PRKCA: variants seen among roughly 807,000 people sequenced by gnomAD.
PRKCA encodes protein kinase C alpha.
PRKCA carries 27 observed loss-of-function variants against 87.0 expected under a neutral mutation model. That is an observed-to-expected ratio of 0.31 (90% CI 0.23 to 0.43). PRKCA has a LOEUF of 0.43. Ranked by LOEUF, PRKCA falls within the 20% of genes least tolerant of loss-of-function variation. The pLI is 1.00. For synonymous variants in PRKCA, 329 were observed against 311.1 expected, an observed-to-expected ratio of 1.06 and a Z score of -0.61; for missense variants, 518 against 852.3, an observed-to-expected ratio of 0.61 and a Z score of 4.88.
intron 2 of PRKCA, among the ~76,000 whole-genome samples, chr17:66,491,485 C>T (rs1916244432): frequency 6.6e-6 from 1 of 152,208 alleles, no homozygotes; most frequent in Admixed American, 6.5e-5. Context: ...TTTAAGTTGC[C>T]TTCCTTCTAC....
chr17:66,468,130 AT>A (rs1915167007), intron 2 of PRKCA, among the ~76,000 whole-genome samples: 1 of 152,236 alleles, frequency 6.6e-6, no homozygotes, highest in Non-Finnish European at 1.5e-5. Flanking sequence ...ATAAAGCTAC[AT>A]TTGTCAAAAA....
chr17:66,783,007 A>C (rs4791041), intron 14 of PRKCA, among the ~76,000 whole-genome samples: 83,083 of 152,120 alleles, frequency 0.55, 25,922 homozygotes, highest in African/African-American at 0.86. Flanking sequence ...CGCTGCTCCT[A>C]CCCTCATGCC....
intron 3 of PRKCA, among the ~76,000 whole-genome samples, chr17:66,630,068 T>G (rs962748214): frequency 2.0e-5 from 3 of 152,176 alleles, no homozygotes; most frequent in African/African-American, 7.2e-5. Flanking sequence ...AAATAACATT[T>G]TTTTAAAACG....
At chr17:66,525,753 G>T (rs1461313942) in intron 3 of PRKCA, among the ~76,000 whole-genome samples, 2 of 152,286 alleles carry the variant, frequency 1.3e-5, no homozygotes, top group Non-Finnish European at 2.9e-5. Context: ...TATCAGAAGT[G>T]TGGGACCAAA....
intron 8 of PRKCA, among the ~76,000 whole-genome samples, chr17:66,710,830 G>A (rs901629379): frequency 2.0e-5 from 3 of 151,438 alleles, no homozygotes; most frequent in African/African-American, 7.3e-5. Flanking sequence ...AGGAGTTCAA[G>A]ACCAGCCTGC....
At chr17:66,436,805 A>G (rs1913419288) in intron 2 of PRKCA, among the ~76,000 whole-genome samples, 1 of 152,226 alleles carries the variant, frequency 6.6e-6, no homozygotes, top group African/African-American at 2.4e-5. Flanking sequence ...TTAGGAGGCA[A>G]ATCGAGAGAC....
chr17:66,338,964 C>T (rs952294787), intron 2 of PRKCA, among the ~76,000 whole-genome samples: 1 of 152,152 alleles, frequency 6.6e-6, no homozygotes, highest in African/African-American at 2.4e-5. Context: ...CCCACACAGG[C>T]CCTAATCTGT....
intron 2 of PRKCA, among the ~76,000 whole-genome samples, chr17:66,398,913 G>A (rs751513139): frequency 6.6e-6 from 1 of 151,922 alleles, no homozygotes; most frequent in Admixed American, 6.6e-5. Flanking sequence ...CGAACTTCTC[G>A]TTTGAGATAC....
intron 2 of PRKCA, among the ~76,000 whole-genome samples, chr17:66,478,480 C>G (rs886267441): frequency 1.3e-5 from 2 of 152,076 alleles, no homozygotes; most frequent in Non-Finnish European, 2.9e-5. Flanking sequence ...TCTTGAACTC[C>G]TGACCTCAGG....
At chr17:66,660,350 C>T (rs1405175445) in intron 5 of PRKCA, among the ~76,000 whole-genome samples, 1 of 152,152 alleles carries the variant, frequency 6.6e-6, no homozygotes, top group Non-Finnish European at 1.5e-5. Context: ...TCCTAACTTC[C>T]TTGCTGTTGT....
At chr17:66,733,725 G>T (rs1973959684) in intron 9 of PRKCA, among the ~76,000 whole-genome samples, 1 of 152,200 alleles carries the variant, frequency 6.6e-6, no homozygotes, top group Admixed American at 6.5e-5. Context: ...CTGGGAGGTG[G>T]AGGTTGCAGT....
chr17:66,738,488 C>G (rs1346122936), intron 10 of PRKCA, among the ~76,000 whole-genome samples: 1 of 152,102 alleles, frequency 6.6e-6, no homozygotes, highest in African/African-American at 2.4e-5. Flanking sequence ...TGTTCAAGGC[C>G]GTTACTATAA....
intron 2 of PRKCA, among the ~76,000 whole-genome samples, chr17:66,481,505 T>C (rs1003920923): frequency 6.6e-6 from 1 of 152,144 alleles, no homozygotes; most frequent in Non-Finnish European, 1.5e-5. Context: ...TCCTGAAACG[T>C]TTCCCCCTGT....
intron 13 of PRKCA, among the ~76,000 whole-genome samples, chr17:66,749,644 A>G (rs1598915671): frequency 6.6e-6 from 1 of 151,950 alleles, no homozygotes. Flanking sequence ...CTGTGCCCCT[A>G]CCCCAGGGTC....
At chr17:66,408,524 T>A (rs1226411634) in intron 2 of PRKCA, among the ~76,000 whole-genome samples, 3 of 152,256 alleles carry the variant, frequency 2.0e-5, no homozygotes. Flanking sequence ...TGTATATGTT[T>A]GCGTGTGCTT....
At chr17:66,385,787 G>A (rs1471203087) in intron 2 of PRKCA, among the ~76,000 whole-genome samples, 1 of 152,076 alleles carries the variant, frequency 6.6e-6, no homozygotes, top group Admixed American at 6.5e-5. Flanking sequence ...TTTCCGAGAC[G>A]GCATCTTGCT....
intron 2 of PRKCA, among the ~76,000 whole-genome samples, chr17:66,410,941 G>A (rs1189962940): frequency 6.6e-6 from 1 of 152,146 alleles, no homozygotes; most frequent in Admixed American, 6.5e-5. Context: ...ACTCTGGACA[G>A]GAGTTTGCTT....
chr17:66,799,840 C>A (rs969438342), intron 16 of PRKCA, among the ~76,000 whole-genome samples: 20 of 152,142 alleles, frequency 1.3e-4, no homozygotes, highest in Non-Finnish European at 2.6e-4. Context: ...CATTGGCAGA[C>A]CTTCTATGGT....
At chr17:66,747,956 C>A (rs1974337238) in intron 13 of PRKCA, among the ~76,000 whole-genome samples, 1 of 152,194 alleles carries the variant, frequency 6.6e-6, no homozygotes, top group Non-Finnish European at 1.5e-5. Context: ...CAGAGGAGAG[C>A]TGGGAGGAGG....
Sources: gnomAD v4.1 joint callset for allele counts (sites outside exome capture counted in the v4.1 genomes callset) on GRCh38, gnomAD v4.1.1 for gene constraint, MANE v1.5 for transcripts, NCBI Gene and HGNC (gene_info 2026-07-23, HGNC 2026-07-21) for gene names.